Variants in RUNX1 observed in about 807,000 individuals in gnomAD.
RUNX1 encodes the protein runt-related transcription factor 1.
A neutral mutation model predicts 42.8 loss-of-function variants in RUNX1; 19 were observed. The ratio of observed to expected loss-of-function variants is 0.44; its 90% CI spans 0.31 to 0.65. The LOEUF is 0.65. Ranked by LOEUF, RUNX1 falls within the 30% of genes least tolerant of loss-of-function variation. The probability of loss-of-function intolerance (pLI) is 0.07; values close to 1 mark genes in which losing one functional copy is unlikely to be tolerated. For synonymous variants in RUNX1, 271 were observed against 289.4 expected (o/e 0.94, Z 0.64); for missense variants, 528 against 672.0 (o/e 0.79, Z 2.37).
intron 2 of RUNX1, among the ~76,000 whole-genome samples, chr21:35,023,387 G>A (rs550256833): frequency 1.3e-5 from 2 of 152,356 alleles, no homozygotes; most frequent in South Asian, 4.1e-4. Context: ...TGTCATTGCT[G>A]TAGGAAAAGC....
chr21:34,990,308 C>A (rs1310085946), intron 2 of RUNX1, among the ~76,000 whole-genome samples: 2 of 152,178 alleles, frequency 1.3e-5, no homozygotes, highest in Non-Finnish European at 2.9e-5. Context: ...GGTCTGGATC[C>A]TACAAACCAC....
intron 2 of RUNX1, among the ~76,000 whole-genome samples, chr21:34,998,381 G>GTTCCTGGCAACA (rs1239989082): frequency 1.3e-5 from 2 of 151,948 alleles, no homozygotes; most frequent in African/African-American, 2.4e-5. Flanking sequence ...AACAGCGACA[G>GTTCCTGGCAACA]TTCCTGGCAA....
At chr21:34,913,130 G>A (rs1437514988) in intron 2 of RUNX1, among the ~76,000 whole-genome samples, 1 of 152,170 alleles carries the variant, frequency 6.6e-6, no homozygotes, top group Admixed American at 6.5e-5. Context: ...TACTTGGGAG[G>A]GTGAAGCAGG....
Position 34,834,659 on chromosome 21 carries a change from A to T in RUNX1, c.614-58T>A. 2.1e-6 allele frequency: 3 copies of T among 1,436,504 alleles called. No homozygotes were observed. The Admixed American group carries it at 5.2e-5, about 25-fold the overall frequency. 89.0% of individuals were successfully genotyped at this position (1,436,504 alleles called of 1,614,324 possible). ...GGGGAGGGAAGGAGGGAGGGAAGAG[A>T]TCAGAAAAAGTATTGTGGATTTCCT... On this transcript the variant is annotated intron_variant, in intron 6 of 8. Coordinates refer to ENST00000675419, the MANE Select transcript of RUNX1 (RefSeq NM_001754.5).
At chr21:34,856,699 C>T (rs2057499634) in intron 6 of RUNX1, among the ~76,000 whole-genome samples, 1 of 152,142 alleles carries the variant, frequency 6.6e-6, no homozygotes, top group Non-Finnish European at 1.5e-5. Flanking sequence ...CTCTCATTGT[C>T]TTTGATTTTA....
chr21:34,800,091 C>G (rs145360832), intron 7 of RUNX1, among the ~76,000 whole-genome samples: 1 of 152,320 alleles, frequency 6.6e-6, no homozygotes, highest in African/African-American at 2.4e-5. Flanking sequence ...CCTATCAACC[C>G]AAGCCTTCTG....
At chr21:35,026,798 C>T (rs2059240479) in intron 2 of RUNX1, among the ~76,000 whole-genome samples, 2 of 152,200 alleles carry the variant, frequency 1.3e-5, no homozygotes, top group Admixed American at 6.5e-5. Flanking sequence ...GGCGGGGACG[C>T]GAGCGGCCCA....
chr21:34,942,292 T>G (rs1302756012), intron 2 of RUNX1, among the ~76,000 whole-genome samples: 3 of 151,848 alleles, frequency 2.0e-5, no homozygotes, highest in Non-Finnish European at 1.5e-5. Context: ...GACTGCATTT[T>G]TGGACTTTCT....
At chr21:34,883,033 T>C (rs933001683) in intron 4 of RUNX1, among the ~76,000 whole-genome samples, 1 of 152,216 alleles carries the variant, frequency 6.6e-6, no homozygotes, top group African/African-American at 2.4e-5. Context: ...TTCTGAATTA[T>C]CTGCCTCCTA....
intron 2 of RUNX1, among the ~76,000 whole-genome samples, chr21:35,021,683 G>C (rs998103341): frequency 6.6e-6 from 1 of 152,188 alleles, no homozygotes; most frequent in South Asian, 2.1e-4. Context: ...AGAAGTACCT[G>C]CAGGGACCTA....
chr21:34,963,604 G>T (rs937614424), intron 2 of RUNX1, among the ~76,000 whole-genome samples: 1 of 151,668 alleles, frequency 6.6e-6, no homozygotes, highest in East Asian at 1.9e-4. Context: ...AGGGAACTTT[G>T]ACAGCCAAGG....
At chr21:35,012,962 C>T (rs114427748) in intron 2 of RUNX1, among the ~76,000 whole-genome samples, 252 of 152,232 alleles carry the variant, frequency 1.7e-3, no homozygotes, top group African/African-American at 5.7e-3. Flanking sequence ...CATAAATGAA[C>T]GGGCATGACT....
rs923049571 is a variant in RUNX1 at position 34,907,728 on chromosome 21, A to G, written c.59-14765T>C. Among the ~76,000 whole-genome samples, 6 of 152,200 alleles carry G rather than the reference A, an allele frequency of 3.9e-5. No homozygotes were observed. Among genetic ancestry groups the G allele is most frequent in the African/African-American group, 1.4e-4 (6 of 41,438 alleles). ...AACTGCCGAAGTGCCTTGTCAAGCT[A>G]AACAGTCATGAGAGGTGAAGGATTA... On this transcript the variant is annotated intron_variant, in intron 2 of 8. Transcript: ENST00000675419. This position sits in a 1 kb window ranked among gnomAD's most constrained non-coding sequence, Gnocchi z 5.3.
At chr21:34,812,394 A>G (rs1297455891) in intron 7 of RUNX1, among the ~76,000 whole-genome samples, 1 of 152,236 alleles carries the variant, frequency 6.6e-6, no homozygotes, top group Non-Finnish European at 1.5e-5. Flanking sequence ...AATTTGCAGC[A>G]TAAAGGAAAC....
intron 7 of RUNX1, among the ~76,000 whole-genome samples, chr21:34,822,266 G>A (rs187208121): frequency 1.3e-3 from 196 of 152,310 alleles, no homozygotes; most frequent in African/African-American, 4.3e-3. Flanking sequence ...AGGACCTTCC[G>A]GGCAATGCTT....
Position 34,853,102 on chromosome 21 carries a change from A to G in RUNX1, c.613+6372T>C, listed in dbSNP as rs540421024. 1.5e-3 allele frequency among the ~76,000 whole-genome samples: 227 copies of G among 152,296 alleles called. 2 individuals carry two copies. The highest frequency in any genetic ancestry group is 2.2e-3 in the Admixed American group (33 of 15,300). The stretch of plus-strand genomic sequence containing the variant: ...CTTTACCCATCTTTCGTGAAGGCCA[A>G]CACCGGAAGAAGAGGTCTATGTTGT... On this transcript the variant is annotated intron_variant, in intron 6 of 8. Coordinates refer to ENST00000675419, the MANE Select transcript of RUNX1 (RefSeq NM_001754.5).
At chr21:34,888,299 A>T (rs1007317788) in intron 3 of RUNX1, 16 of 1,067,558 alleles carry the variant, frequency 1.5e-5, no homozygotes, top group Non-Finnish European at 1.7e-5. Context: ...ATCGAAACAG[A>T]TCGGGCGGCT....
chr21:35,026,910 C>T (rs941807745), intron 2 of RUNX1, among the ~76,000 whole-genome samples: 1 of 152,226 alleles, frequency 6.6e-6, no homozygotes, highest in Non-Finnish European at 1.5e-5. Context: ...GGCGCGCAGG[C>T]CTGTGGTTTT....
intron 2 of RUNX1, among the ~76,000 whole-genome samples, chr21:34,991,520 C>T (rs1001889556): frequency 2.0e-5 from 3 of 150,220 alleles, no homozygotes; most frequent in Admixed American, 6.7e-5. Context: ...ACTATGTGCC[C>T]GGCAGCATTC....
Sources: gnomAD v4.1 joint callset for allele counts (sites outside exome capture counted in the v4.1 genomes callset) on GRCh38, gnomAD v4.1.1 for gene constraint, Gnocchi (gnomAD v3.1) non-coding constraint, MANE v1.5 for transcripts, NCBI Gene and HGNC (gene_info 2026-07-23, HGNC 2026-07-21) for gene names.